The following POLN variants were observed in gnomAD, a reference collection of about 807,000 sequenced individuals.
POLN encodes DNA polymerase nu.
POLN carries 108 observed loss-of-function variants against 113.5 expected under a neutral mutation model. That is an observed-to-expected ratio of 0.95 (90% CI 0.81 to 1.12). The LOEUF (loss-of-function observed/expected upper bound fraction) is 1.12, where lower values mean the gene tolerates loss of function less well. POLN is among the 50% of genes most tolerant of loss of function. POLN has a pLI of 0.00. For synonymous variants in POLN, 386 were observed against 391.5 expected (o/e 0.99, Z 0.17); for missense variants, 1,097 against 1,077.1 (o/e 1.02, Z -0.26).
intron 20 of POLN, among the ~76,000 whole-genome samples, chr4:2,094,352 G>A (rs1266846254): frequency 2.6e-3 from 3 of 1,138 alleles, no homozygotes; most frequent in African/African-American, 6.6e-3. Flanking sequence ...GATAGAGCAA[G>A]GTTCTGTCTC....
intron 8 of POLN, among the ~76,000 whole-genome samples, chr4:2,177,796 TC>T (rs1348480441): frequency 6.6e-6 from 1 of 152,196 alleles, no homozygotes; most frequent in Admixed American, 6.5e-5. Context: ...ATGCCTGGCC[TC>T]CCTGGTGGGG....
In POLN at chr4:2,098,930, A is replaced by G. The variant is rs1284062465; in HGVS notation, c.1983-2997T>C. Among the ~76,000 whole-genome samples, 12 of 152,352 alleles carry G rather than the reference A, an allele frequency of 7.9e-5. No individual in the cohort carries two copies. The South Asian group carries it at 1.7e-3, about 21-fold the overall frequency. ...TGCACGTGCGTGCGCACACACACAC[A>G]CACACACACACACACTGAAGAGGTT... On this transcript the variant is annotated intron_variant, in intron 19 of 25. Transcript: ENST00000511885.
chr4:2,210,407 T>C (rs1733960396), intron 4 of POLN, among the ~76,000 whole-genome samples: 1 of 150,820 alleles, frequency 6.6e-6, no homozygotes, highest in Admixed American at 6.6e-5. Context: ...AGCAAAACCC[T>C]GTCCTTTTAC....
rs1451183644 is a variant in POLN, at chr4:2,156,919, A to C, written c.1666-66T>G. 1.5e-5 allele frequency: 20 copies of C among 1,345,970 alleles called. No homozygotes were observed. The East Asian group carries it at 3.4e-4, about 23-fold the overall frequency. The allele number at this position is 1,345,970 out of a possible 1,614,324, so 83.4% of individuals were successfully genotyped here. ...CTATGTGAAGTTAAGAATGTGGCGGAGCCTCCACTCACAACATGCAACACT... is the reference window on the plus strand; with the variant it reads ...CTATGTGAAGTTAAGAATGTGGCGGCGCCTCCACTCACAACATGCAACACT... On this transcript the variant is annotated intron_variant, in intron 15 of 25. Coordinates refer to ENST00000511885, the MANE Select transcript of POLN (RefSeq NM_181808.4).
intron 19 of POLN, among the ~76,000 whole-genome samples, chr4:2,121,536 A>G (rs1731442790): frequency 6.6e-6 from 1 of 151,724 alleles, no homozygotes; most frequent in Admixed American, 6.6e-5. Flanking sequence ...AATTTCTTAA[A>G]TAGTTATAGG....
At chr4:2,168,258 A>G (rs994975600) in intron 13 of POLN, among the ~76,000 whole-genome samples, 9 of 152,190 alleles carry the variant, frequency 5.9e-5, no homozygotes, top group Non-Finnish European at 1.3e-4. Flanking sequence ...GACATCAAAC[A>G]TGGATTCATG....
chr4:2,238,107 C>T (rs189444317), intron 2 of POLN, among the ~76,000 whole-genome samples: 3 of 152,238 alleles, frequency 2.0e-5, no homozygotes, highest in East Asian at 1.9e-4. Flanking sequence ...TTTAGCCCTC[C>T]AATTTTCAGT....
chr4:2,085,773 C>G (rs1390452636), intron 20 of POLN, 29 bp from the exon 21 acceptor site: 7 of 1,611,396 alleles, frequency 4.3e-6, no homozygotes, highest in Non-Finnish European at 5.1e-6. Context: ...CATGTCAAAG[C>G]CTCACTCACA....
chr4:2,195,485 CTTT>C (rs59469569), intron 6 of POLN, among the ~76,000 whole-genome samples: 3 of 125,882 alleles, frequency 2.4e-5, no homozygotes, highest in African/African-American at 2.9e-5. Flanking sequence ...CTTGGTAATT[CTTT>C]TTTTTTTTTT....
chr4:2,114,135 G>C (rs2108713918), intron 19 of POLN, among the ~76,000 whole-genome samples: 1 of 151,936 alleles, frequency 6.6e-6, no homozygotes, highest in East Asian at 1.9e-4. Context: ...CTGGACTCAA[G>C]TGACCCTCCC....
intron 19 of POLN, among the ~76,000 whole-genome samples, chr4:2,113,934 C>T (rs1260017358): frequency 6.7e-6 from 1 of 150,268 alleles, no homozygotes; most frequent in Admixed American, 6.6e-5. Flanking sequence ...GATTCTCACT[C>T]TGTCACCCAG....
In POLN at chr4:2,093,828, T is replaced by G. The variant is rs952144417; in HGVS notation, c.2065+2023A>C. Among the ~76,000 whole-genome samples, 2 of 152,198 alleles carry G rather than the reference T, an allele frequency of 1.3e-5. No individual in the cohort carries two copies. The highest frequency in any genetic ancestry group is 2.9e-5 in the Non-Finnish European group (2 of 68,042). ...TTCTTAGTCTATTTTCCAAAAACCA[T>G]GTATACAATCAAAATGTTTTCAAAA... On this transcript the variant is annotated intron_variant, in intron 20 of 25. Coordinates refer to ENST00000511885, the MANE Select transcript of POLN (RefSeq NM_181808.4). The surrounding 1 kb of genome is among the most constrained non-coding windows in gnomAD (Gnocchi z 4.1).
At chr4:2,168,075 G>C (rs1356211789) in intron 13 of POLN, among the ~76,000 whole-genome samples, 1 of 152,124 alleles carries the variant, frequency 6.6e-6, no homozygotes, top group Admixed American at 6.6e-5. Flanking sequence ...AAACTTGAAG[G>C]GTTCATTAGT....
At chr4:2,079,306 A>C (rs1730349002) in intron 23 of POLN, 2 of 632,104 alleles carry the variant, frequency 3.2e-6, no homozygotes, top group Middle Eastern at 7.9e-4. Context: ...GCCAAGACGG[A>C]AACTAGCACA....
At chr4:2,171,218 G>A in intron 11 of POLN, 37 bp from the exon 12 acceptor site, 1 of 1,550,926 alleles carries the variant, frequency 6.4e-7, no homozygotes, top group Non-Finnish European at 8.8e-7. Context: ...TTCATTCATA[G>A]TTTTCACAAT....
chr4:2,119,029 A>G (rs888668079), intron 19 of POLN, among the ~76,000 whole-genome samples: 3 of 152,238 alleles, frequency 2.0e-5, no homozygotes, highest in African/African-American at 7.2e-5. Flanking sequence ...CGGAAGCACC[A>G]TCTTCCCTGG....
At chr4:2,075,300 C>T in intron 24 of POLN, 152 bp downstream of exon 24, 1 of 883,632 alleles carries the variant, frequency 1.1e-6, no homozygotes. Context: ...CCTCTGCCTG[C>T]CAGGACCCAG....
chr4:2,148,672 C>G (rs199762780), intron 16 of POLN, among the ~76,000 whole-genome samples: 36 of 149,306 alleles, frequency 2.4e-4, no homozygotes, highest in African/African-American at 5.7e-4. Context: ...GTCCCCCCCC[C>G]AAAAAAAAAA....
At chr4:2,154,006 G>C (rs1459508462) in intron 16 of POLN, among the ~76,000 whole-genome samples, 1 of 151,286 alleles carries the variant, frequency 6.6e-6, no homozygotes, top group Non-Finnish European at 1.5e-5. Context: ...GACCATCCTG[G>C]CTAACATGGT....
Sources: allele counts gnomAD v4.1 joint callset (sites outside exome capture counted in the v4.1 genomes callset), GRCh38; gene constraint gnomAD v4.1.1; non-coding constraint Gnocchi (gnomAD v3.1); transcripts MANE v1.5; gene names NCBI Gene and HGNC (gene_info 2026-07-23, HGNC 2026-07-21).